The following INTS2 variants were observed in gnomAD, a reference collection of about 807,000 sequenced individuals.
INTS2 encodes integrator complex subunit 2.
A neutral mutation model predicts 139.6 loss-of-function variants in INTS2; 57 were observed. The ratio of observed to expected loss-of-function variants is 0.41; its 90% CI spans 0.33 to 0.51. INTS2 has a LOEUF of 0.51. Ranked by LOEUF, INTS2 falls within the 20% of genes least tolerant of loss-of-function variation. INTS2 has a pLI of 0.28. For missense variants in INTS2, 1,196 were observed against 1,436.7 expected (o/e 0.83, Z 2.71); for synonymous variants, 473 against 493.4 (o/e 0.96, Z 0.55).
intron 16 of INTS2, among the ~76,000 whole-genome samples, chr17:61,881,528 T>A (rs917016484): frequency 6.6e-6 from 1 of 151,854 alleles, no homozygotes; most frequent in African/African-American, 2.4e-5. Context: ...ACCTGGGAGG[T>A]AGAAGTTGCA....
chr17:61,885,785 G>A (rs2079222551), intron 15 of INTS2, among the ~76,000 whole-genome samples: 1 of 138,770 alleles, frequency 7.2e-6, no homozygotes, highest in Non-Finnish European at 1.5e-5. Flanking sequence ...CTGGAGTGCA[G>A]TGGCGCGATC....
At chr17:61,900,643 T>G (rs2079394956) in intron 9 of INTS2, among the ~76,000 whole-genome samples, 1 of 152,180 alleles carries the variant, frequency 6.6e-6, no homozygotes, top group Non-Finnish European at 1.5e-5. Flanking sequence ...TCTAATATGC[T>G]TTTTCATTTC....
intron 9 of INTS2, among the ~76,000 whole-genome samples, chr17:61,902,643 G>A (rs76625001): frequency 5.1e-4 from 77 of 151,994 alleles, no homozygotes; most frequent in African/African-American, 1.7e-3. Flanking sequence ...AGAGACTGAG[G>A]TGGGAGGACT....
At chr17:61,921,691 T>C (rs745944647) in intron 4 of INTS2, 34 bp downstream of exon 4, 2 of 1,049,664 alleles carry the variant, frequency 1.9e-6, no homozygotes, top group East Asian at 2.4e-5. Flanking sequence ...CAAGAAACTA[T>C]ATATGAAATC....
chr17:61,867,990 C>T lies in INTS2; in HGVS notation c.3264G>A (p.Arg1088=). 3.8e-6 allele frequency: 6 copies of T among 1,584,940 alleles called. No homozygotes were observed. Among genetic ancestry groups the T allele is most frequent in the Non-Finnish European group, 5.1e-6 (6 of 1,172,174 alleles). ...TLLTVLTQAK[R]YAFFMPTLPS... is the part of the protein sequence containing the mutation. ...GCAGAGTTGGCATAAAAAAAGCATA[C>T]CGCTTAGCCTGTGTTAAAACTGTTG... Residue 1088 remains arginine (R), a synonymous_variant, in exon 24 of 25, where the codon CGG becomes CGA. Transcript: ENST00000251334. This position sits in a 1 kb window ranked among gnomAD's most constrained non-coding sequence, Gnocchi z 5.6.
intron 3 of INTS2, 28 bp from the exon 4 acceptor site, chr17:61,921,855 A>G (rs2079644998): frequency 8.7e-7 from 1 of 1,147,352 alleles, no homozygotes; most frequent in East Asian, 2.5e-5. Flanking sequence ...AAAGATATAA[A>G]CTCTATTAAT....
Position 61,872,540 on chromosome 17 carries a change from T to C in INTS2, c.2583-80A>G. On this transcript the variant is annotated intron_variant, in intron 19 of 24. Transcript: ENST00000251334. The surrounding 1 kb of genome is among the most constrained non-coding windows in gnomAD (Gnocchi z 4.8). ...ATTAGCCAGAACATGATCAATTTAG[T>C]TTAAATGCTGAGAAAAACCTGAGTA... The C allele has an allele frequency of 1.0e-6, 1 of 987,390 alleles. No individual in the cohort carries two copies. Among genetic ancestry groups the C allele is most frequent in the Non-Finnish European group, 1.4e-6 (1 of 703,242 alleles). 61.2% of individuals were successfully genotyped at this position (987,390 alleles called of 1,614,324 possible). A position where few individuals can be genotyped will look rare whatever the true frequency, so the allele number is the denominator to read the frequency against.
Position 61,869,109 on chromosome 17 carries a change from A to G in INTS2, c.3169T>C (p.Cys1057Arg), listed in dbSNP as rs756891207. 1 of 1,611,732 alleles carries G rather than the reference A, an allele frequency of 6.2e-7. No individual in the cohort carries two copies. Among genetic ancestry groups the G allele is most frequent in the African/African-American group, 1.3e-5 (1 of 74,916 alleles). Residue 1057 changes from cysteine (C) to arginine (R), a missense_variant, in exon 23 of 25, where the codon TGT becomes CGT. Around this residue, in one of 3 missense-constraint regions of INTS2, gnomAD observed 1,129 missense variants for 1,341.9 expected, o/e 0.84. Coordinates refer to ENST00000251334, the MANE Select transcript of INTS2 (RefSeq NM_001351695.2). The surrounding 1 kb of genome is among the most constrained non-coding windows in gnomAD (Gnocchi z 5.4). ...GACTTTGGTAATGCATATTGTATAC[A>G]CAAGTGAGAAAGCAACTGGATAGCA... ...IFAIQLLSHL[C>R]IQYALPKSLS...
At chr17:61,905,744 C>G (rs1361857685) in intron 8 of INTS2, among the ~76,000 whole-genome samples, 3 of 152,130 alleles carry the variant, frequency 2.0e-5, no homozygotes, top group Non-Finnish European at 2.9e-5. Flanking sequence ...ATTGCCCAGG[C>G]CGGACTGCAA....
At chr17:61,887,516 G>A (rs905742996) in intron 15 of INTS2, among the ~76,000 whole-genome samples, 1 of 148,950 alleles carries the variant, frequency 6.7e-6, no homozygotes. Context: ...ATATGTGCAC[G>A]ATTAAAAAGC....
intron 4 of INTS2, 126 bp downstream of exon 4, chr17:61,921,599 T>C: frequency 2.2e-6 from 1 of 456,866 alleles, no homozygotes. Context: ...CACTTTTGAC[T>C]TAAAATCACA....
At position 61,926,402 on chromosome 17, in the gene INTS2, G is replaced by T. The variant is rs529664994; in HGVS notation, c.243C>A (p.Ser81=). Residue 81 remains serine, a synonymous_variant, in exon 2 of 25, where the codon TCC becomes TCA. Transcript: ENST00000251334. ...EAVNSIVALL[S]VDFHALEQDA... ...CTTGTTCTAAAGCATGAAAGTCCAC[G>T]GACAACAATGCAACAATGGAGTTGA... is the stretch of plus-strand genomic sequence containing the variant. 6.2e-7 allele frequency: 1 copy of T among 1,612,076 alleles called. No homozygotes were observed. The highest frequency in any genetic ancestry group is 8.5e-7 in the Non-Finnish European group (1 of 1,178,412).
At chr17:61,920,718 A>T (rs776801695) in intron 4 of INTS2, among the ~76,000 whole-genome samples, 4 of 151,638 alleles carry the variant, frequency 2.6e-5, no homozygotes, top group Non-Finnish European at 5.9e-5. Flanking sequence ...AAGGAGAATC[A>T]CTTGAACCCC....
chr17:61,919,100 T>C (rs2079612681), intron 5 of INTS2, among the ~76,000 whole-genome samples: 2 of 152,030 alleles, frequency 1.3e-5, no homozygotes, highest in African/African-American at 4.8e-5. Context: ...AATTTTTGTA[T>C]TTTTAGTAGA....
chr17:61,886,179 T>C lies in INTS2; in HGVS notation c.1985-1174A>G, dbSNP rs564069366. Among the ~76,000 whole-genome samples, 3 of 152,238 alleles carry C rather than the reference T, an allele frequency of 2.0e-5. No homozygotes were observed. The East Asian group carries it at 5.8e-4, about 29-fold the overall frequency. On this transcript the variant is annotated intron_variant, in intron 15 of 24. Transcript: ENST00000251334. Reference sequence around the variant, plus strand: ...AATTCTTGTGCCTCAGCCTCCCAAGTAGCTGAGACTACAGGTGCCCGCCAC... The same window carrying C: ...AATTCTTGTGCCTCAGCCTCCCAAGCAGCTGAGACTACAGGTGCCCGCCAC...
At chr17:61,912,164 C>T in intron 5 of INTS2, 94 bp from the exon 6 acceptor site, 5 of 1,344,942 alleles carry the variant, frequency 3.7e-6, no homozygotes, top group Non-Finnish European at 5.1e-6. Context: ...TATTTGAAAG[C>T]ACAACAACAG....
intron 13 of INTS2, among the ~76,000 whole-genome samples, chr17:61,892,116 T>A (rs767822978): frequency 3.0e-4 from 46 of 152,156 alleles, no homozygotes; most frequent in Non-Finnish European, 5.7e-4. Context: ...AGGAGACTTA[T>A]CACTTAACTA....
At chr17:61,883,363 A>T (rs2079194816) in intron 16 of INTS2, among the ~76,000 whole-genome samples, 1 of 151,784 alleles carries the variant, frequency 6.6e-6, no homozygotes, top group Non-Finnish European at 1.5e-5. Flanking sequence ...AAAAAAAAAA[A>T]AGATTATACA....
chr17:61,888,881 C>T (rs1041873454), intron 15 of INTS2, among the ~76,000 whole-genome samples: 6 of 151,906 alleles, frequency 3.9e-5, no homozygotes, highest in African/African-American at 7.3e-5. Flanking sequence ...AAAAATTAGC[C>T]GGGCGTCGTA....
Sources: gnomAD v4.1 joint callset for allele counts (sites outside exome capture counted in the v4.1 genomes callset) on GRCh38, gnomAD v4.1.1 for gene constraint, gnomAD v4.1.1 regional missense constraint, Gnocchi (gnomAD v3.1) non-coding constraint, MANE v1.5 for transcripts, NCBI Gene and HGNC (gene_info 2026-07-23, HGNC 2026-07-21) for gene names.